Variants in CLSTN2 observed in about 807,000 individuals in gnomAD.
The protein encoded by CLSTN2 is calsyntenin 2, also known as calsyntenin-2.
A neutral mutation model predicts 101.2 loss-of-function variants in CLSTN2; 48 were observed. The observed-to-expected ratio is 0.47, with a 90% CI of 0.38 to 0.60. The LOEUF is 0.60. Among genes scored for constraint, CLSTN2 ranks in the 20% least tolerant of loss-of-function variants. The pLI, the probability that CLSTN2 is intolerant of heterozygous loss-of-function variation, is 0.00. For synonymous variants in CLSTN2, 481 were observed against 463.6 expected, an observed-to-expected ratio of 1.04 and a Z score of -0.48; for missense variants, 1,160 against 1,238.2, an observed-to-expected ratio of 0.94 and a Z score of 0.95.
intron 1 of CLSTN2, among the ~76,000 whole-genome samples, chr3:139,982,707 A>T (rs923716348): frequency 1.3e-5 from 2 of 152,176 alleles, no homozygotes; most frequent in Admixed American, 1.3e-4. Flanking sequence ...TAAAGTCTCA[A>T]ATCAGCCCTT....
At chr3:139,982,162 A>G (rs568689332) in intron 1 of CLSTN2, among the ~76,000 whole-genome samples, 1 of 152,182 alleles carries the variant, frequency 6.6e-6, no homozygotes, top group Admixed American at 6.5e-5. Flanking sequence ...TAAAATACAC[A>G]ACTAATTTCT....
chr3:140,138,631 G>A (rs956444105), intron 1 of CLSTN2, among the ~76,000 whole-genome samples: 9 of 152,130 alleles, frequency 5.9e-5, no homozygotes, highest in African/African-American at 4.8e-5. Flanking sequence ...TTGTGGCCCC[G>A]GAAAGCACAT....
intron 8 of CLSTN2, among the ~76,000 whole-genome samples, chr3:140,469,130 C>G (rs1042541081): frequency 6.6e-6 from 1 of 152,196 alleles, no homozygotes; most frequent in Non-Finnish European, 1.5e-5. Context: ...GTGGTCCACC[C>G]TTTTGACCTC....
intron 2 of CLSTN2, among the ~76,000 whole-genome samples, chr3:140,337,714 G>C (rs76175701): frequency 6.6e-6 from 1 of 152,224 alleles, no homozygotes; most frequent in African/African-American, 2.4e-5. Context: ...GATTTCTTGA[G>C]CCCCAGATTA....
chr3:139,980,243 A>T (rs1935891883), intron 1 of CLSTN2, among the ~76,000 whole-genome samples: 1 of 151,944 alleles, frequency 6.6e-6, no homozygotes, highest in Non-Finnish European at 1.5e-5. Flanking sequence ...ATTTTCTATC[A>T]TTCTGTCCCC....
chr3:140,418,885 A>G (rs2088460810), intron 4 of CLSTN2, among the ~76,000 whole-genome samples: 1 of 152,094 alleles, frequency 6.6e-6, no homozygotes, highest in Non-Finnish European at 1.5e-5. Flanking sequence ...GTCAGCGTCC[A>G]GGACAAGTTA....
intron 2 of CLSTN2, among the ~76,000 whole-genome samples, chr3:140,246,938 C>T (rs1244543056): frequency 6.6e-6 from 1 of 152,132 alleles, no homozygotes. Flanking sequence ...TAATAATGCT[C>T]TTATTAGTCA....
intron 9 of CLSTN2, among the ~76,000 whole-genome samples, chr3:140,536,142 A>T (rs1227066696): frequency 6.6e-6 from 1 of 152,140 alleles, no homozygotes; most frequent in Admixed American, 6.5e-5. Flanking sequence ...ACCTCAAATC[A>T]AATCCCAGCC....
chr3:140,251,647 C>CT (rs2086565345), intron 2 of CLSTN2, among the ~76,000 whole-genome samples: 1 of 143,482 alleles, frequency 7.0e-6, no homozygotes, highest in South Asian at 2.2e-4. Context: ...CCTCTTTTTG[C>CT]TTCCCCTCCT....
intron 1 of CLSTN2, among the ~76,000 whole-genome samples, chr3:140,007,148 T>C (rs953059303): frequency 2.0e-5 from 3 of 151,738 alleles, no homozygotes; most frequent in Non-Finnish European, 4.4e-5. Context: ...ACTAGGGATA[T>C]GAAAATGAGA....
intron 2 of CLSTN2, among the ~76,000 whole-genome samples, chr3:140,279,915 GCA>G (rs2086828914): frequency 1.3e-5 from 2 of 152,272 alleles, no homozygotes; most frequent in South Asian, 4.1e-4. Flanking sequence ...GCACAACCTT[GCA>G]GGTGCACAAT....
chr3:140,374,937 C>T lies in CLSTN2; in HGVS notation c.233-28692C>T, dbSNP rs569591338. On this transcript the variant is annotated intron_variant, in intron 2 of 16. Transcript: ENST00000458420. ...AATTATTCCCTCTGACTACACCAGCCCAGCTTAAAGCCTTTGCATTTTGCA... is the reference window on the plus strand; with the variant it reads ...AATTATTCCCTCTGACTACACCAGCTCAGCTTAAAGCCTTTGCATTTTGCA... Among the ~76,000 whole-genome samples the T allele has an allele frequency of 1.7e-4, 26 of 152,314 alleles. No homozygotes were observed. In the South Asian group the frequency reaches 2.9e-3, roughly 17 times the overall value.
chr3:140,154,105 T>A (rs949314747), intron 1 of CLSTN2, among the ~76,000 whole-genome samples: 2 of 152,140 alleles, frequency 1.3e-5, no homozygotes, highest in East Asian at 3.9e-4. Flanking sequence ...AAGCTTAATT[T>A]TAGGTGTGAT....
chr3:140,498,770 G>A (rs993301248), intron 8 of CLSTN2, among the ~76,000 whole-genome samples: 1 of 152,130 alleles, frequency 6.6e-6, no homozygotes, highest in African/African-American at 2.4e-5. Flanking sequence ...ACAACCACTA[G>A]CTGTTGTCAC....
At chr3:140,008,788 A>C (rs2007013133) in intron 1 of CLSTN2, among the ~76,000 whole-genome samples, 1 of 152,228 alleles carries the variant, frequency 6.6e-6, no homozygotes, top group African/African-American at 2.4e-5. Flanking sequence ...GATGGCAAAG[A>C]CGGAGCTGGC....
At chr3:140,107,855 A>G (rs527990454) in intron 1 of CLSTN2, among the ~76,000 whole-genome samples, 1 of 152,338 alleles carries the variant, frequency 6.6e-6, no homozygotes, top group African/African-American at 2.4e-5. Flanking sequence ...AATTCTCACA[A>G]GACTGCAGAG....
At chr3:140,298,568 G>T (rs1383196874) in intron 2 of CLSTN2, among the ~76,000 whole-genome samples, 1 of 152,192 alleles carries the variant, frequency 6.6e-6, no homozygotes, top group Non-Finnish European at 1.5e-5. Flanking sequence ...CCTGAGCAGG[G>T]TTTGTCCCCC....
At chr3:140,186,547 G>T (rs553565031) in intron 2 of CLSTN2, among the ~76,000 whole-genome samples, 3 of 152,242 alleles carry the variant, frequency 2.0e-5, no homozygotes, top group Admixed American at 2.0e-4. Flanking sequence ...CATGAGTTCA[G>T]AGCTTGATTT....
chr3:140,061,346 A>T (rs530309226), intron 1 of CLSTN2, among the ~76,000 whole-genome samples: 2 of 152,314 alleles, frequency 1.3e-5, no homozygotes, highest in South Asian at 4.1e-4. Context: ...ACACTGTGTA[A>T]ATGAGAAAAG....
Sources: allele counts gnomAD v4.1 joint callset (sites outside exome capture counted in the v4.1 genomes callset), GRCh38; gene constraint gnomAD v4.1.1; transcripts MANE v1.5; gene names NCBI Gene and HGNC (gene_info 2026-07-23, HGNC 2026-07-21).